Variants in SLC7A1 observed in about 807,000 individuals in gnomAD.
The protein encoded by SLC7A1 is solute carrier family 7 member 1, also known as high affinity cationic amino acid transporter 1.
A neutral mutation model predicts 53.9 loss-of-function variants in SLC7A1; 10 were observed. That is an observed-to-expected ratio of 0.19 (90% CI 0.11 to 0.31). The LOEUF (loss-of-function observed/expected upper bound fraction) is 0.31, where lower values mean the gene tolerates loss of function less well. Among genes scored for constraint, SLC7A1 ranks in the 10% least tolerant of loss-of-function variants. The pLI is 1.00. For missense variants in SLC7A1, 525 were observed against 827.2 expected, an observed-to-expected ratio of 0.63 and a Z score of 4.48; for synonymous variants, 342 against 338.7, an observed-to-expected ratio of 1.01 and a Z score of -0.11.
intron 5 of SLC7A1, among the ~76,000 whole-genome samples, 174 bp from the exon 6 acceptor site, chr13:29,524,427 G>T (rs1352763544): frequency 6.6e-6 from 1 of 152,250 alleles, no homozygotes; most frequent in African/African-American, 2.4e-5. Context: ...CTCCGTGTGT[G>T]CAGGCCTCCC....
chr13:29,543,441 T>C (rs1555291639), intron 2 of SLC7A1, among the ~76,000 whole-genome samples: 1 of 151,962 alleles, frequency 6.6e-6, no homozygotes, highest in Non-Finnish European at 1.5e-5. Context: ...CAGGCCTCCC[T>C]GACTTCACAA....
intron 1 of SLC7A1, among the ~76,000 whole-genome samples, chr13:29,581,748 AT>A (rs1000901816): frequency 1.3e-5 from 2 of 152,174 alleles, no homozygotes; most frequent in African/African-American, 2.4e-5. Context: ...CTGCCCATTA[AT>A]TAGAAAGCTC....
At chr13:29,525,082 G>A (rs144111617) in intron 5 of SLC7A1, among the ~76,000 whole-genome samples, 2 of 152,356 alleles carry the variant, frequency 1.3e-5, no homozygotes, top group Non-Finnish European at 2.9e-5. Context: ...CACATGCTGT[G>A]TTCTGGGGGT....
At chr13:29,539,103 G>T (rs1019091048) in intron 2 of SLC7A1, among the ~76,000 whole-genome samples, 6 of 152,142 alleles carry the variant, frequency 3.9e-5, no homozygotes, top group Non-Finnish European at 7.3e-5. Context: ...ACCTAAGCGC[G>T]CCCAGAAGGT....
chr13:29,575,380 C>T (rs546535848), intron 1 of SLC7A1, among the ~76,000 whole-genome samples: 3 of 152,256 alleles, frequency 2.0e-5, no homozygotes, highest in East Asian at 1.9e-4. Context: ...TTTTAAAAGC[C>T]GAGTGCTGTA....
At chr13:29,520,544 T>C (rs184276647) in intron 8 of SLC7A1, among the ~76,000 whole-genome samples, 3,408 of 152,328 alleles carry the variant, frequency 0.022, 111 homozygotes, top group African/African-American at 0.078. Flanking sequence ...TATTTGAACA[T>C]CTTTTGTGAG....
intron 10 of SLC7A1, 21 bp from the exon 11 acceptor site, chr13:29,517,331 A>G (rs773546603): frequency 1.3e-6 from 2 of 1,592,792 alleles, no homozygotes; most frequent in Non-Finnish European, 1.7e-6. Context: ...AGGAAAAGAC[A>G]GCAAGCTGCA....
rs3069134 is a variant in SLC7A1, at chr13:29,576,293, T to TAAA, written c.-115+19120_-115+19122dup. On this transcript the variant is annotated intron_variant, in intron 1 of 12. Coordinates refer to ENST00000380752, the MANE Select transcript of SLC7A1 (RefSeq NM_003045.5). The stretch of plus-strand genomic sequence containing the variant: ...GGTATCAGTATGAGATCCTGTTTTT[T>TAAA]AAAAAAAAAAAAAAGGAAAGAAAAC... Among the ~76,000 whole-genome samples the TAAA allele has an allele frequency of 1.1e-3, 132 of 124,962 alleles. 3 individuals are homozygous for TAAA. Among genetic ancestry groups the TAAA allele is most frequent in the African/African-American group, 4.6e-3 (125 of 27,346 alleles). 82.0% of individuals were successfully genotyped at this position (124,962 alleles called of 152,430 possible).
intron 4 of SLC7A1, among the ~76,000 whole-genome samples, chr13:29,531,576 C>T (rs1030296170): frequency 3.3e-5 from 5 of 152,210 alleles, no homozygotes; most frequent in African/African-American, 9.6e-5. Context: ...CGGTCGCTCA[C>T]GCCTGTAATC....
chr13:29,561,469 T>C (rs1271849394), intron 1 of SLC7A1, among the ~76,000 whole-genome samples: 1 of 152,158 alleles, frequency 6.6e-6, no homozygotes, highest in Non-Finnish European at 1.5e-5. Context: ...CCCAGGCAGC[T>C]CCCGAGGGGA....
chr13:29,540,638 TACG>T (rs1458413914), intron 2 of SLC7A1, among the ~76,000 whole-genome samples: 2 of 152,232 alleles, frequency 1.3e-5, no homozygotes, highest in Non-Finnish European at 2.9e-5. Flanking sequence ...CAAGCTGTTA[TACG>T]ACACTCGGAA....
intron 5 of SLC7A1, among the ~76,000 whole-genome samples, chr13:29,528,764 G>A (rs1869014482): frequency 6.6e-6 from 1 of 152,236 alleles, no homozygotes; most frequent in Admixed American, 6.5e-5. Flanking sequence ...CCCTGGCAGT[G>A]AGGCCGTCAG....
rs779497935 is a variant in SLC7A1, at chr13:29,517,549, C to T, written c.1510+24G>A. ...AACCATGCAATGCCAACAAGCAAGG[C>T]CCCAGGGAAGGGCTAGCTCTTACCT... On this transcript the variant is annotated intron_variant, in intron 10 of 12. Transcript: ENST00000380752. The T allele has an allele frequency of 2.5e-6, 4 of 1,571,660 alleles. No individual in the cohort carries two copies. In the East Asian group the frequency reaches 9.0e-5, roughly 35 times the overall value.
At chr13:29,528,536 T>C (rs7338132) in intron 5 of SLC7A1, among the ~76,000 whole-genome samples, 2,624 of 152,312 alleles carry the variant, frequency 0.017, 72 homozygotes, top group African/African-American at 0.059. Context: ...TATGGATTGG[T>C]TGGGCAGTGC....
intron 1 of SLC7A1, among the ~76,000 whole-genome samples, chr13:29,574,668 C>CG (rs1265348421): frequency 8.1e-6 from 1 of 123,790 alleles, no homozygotes; most frequent in Non-Finnish European, 1.6e-5. Context: ...TTTTTTGAGA[C>CG]GGAGTCTTGC....
chr13:29,575,381 G>A (rs76198264), intron 1 of SLC7A1, among the ~76,000 whole-genome samples: 6,620 of 152,232 alleles, frequency 0.043, 472 homozygotes, highest in African/African-American at 0.15. Flanking sequence ...TTTAAAAGCC[G>A]AGTGCTGTAT....
chr13:29,515,664 C>T (rs1051008424), intron 12 of SLC7A1, among the ~76,000 whole-genome samples: 1 of 152,208 alleles, frequency 6.6e-6, no homozygotes, highest in South Asian at 2.1e-4. Context: ...GCTGCACCCA[C>T]CCCTGGTGAT....
At chr13:29,574,746 G>A (rs980859220) in intron 1 of SLC7A1, among the ~76,000 whole-genome samples, 7 of 148,230 alleles carry the variant, frequency 4.7e-5, no homozygotes, top group African/African-American at 1.2e-4. Context: ...CTGGGTTCAC[G>A]CCATTCCCCT....
intron 1 of SLC7A1, among the ~76,000 whole-genome samples, chr13:29,594,068 T>A (rs1160441096): frequency 6.6e-6 from 1 of 152,218 alleles, no homozygotes; most frequent in Non-Finnish European, 1.5e-5. Context: ...ATAAAAATCA[T>A]GGTAATTTCC....
Sources: allele counts gnomAD v4.1 joint callset (sites outside exome capture counted in the v4.1 genomes callset), GRCh38; gene constraint gnomAD v4.1.1; transcripts MANE v1.5; gene names NCBI Gene and HGNC (gene_info 2026-07-23, HGNC 2026-07-21).